CHRM3: variants seen among roughly 807,000 people sequenced by gnomAD.
CHRM3 encodes muscarinic acetylcholine receptor M3.
CHRM3 carries 11 observed loss-of-function variants against 41.8 expected under a neutral mutation model. That is an observed-to-expected ratio of 0.26 (90% CI 0.17 to 0.44). The LOEUF is 0.44. CHRM3 is among the 20% of genes least tolerant of loss of function. The probability of loss-of-function intolerance (pLI) is 1.00; values close to 1 mark genes in which losing one functional copy is unlikely to be tolerated. For missense variants in CHRM3, 571 were observed against 745.4 expected, an observed-to-expected ratio of 0.77 and a Z score of 2.72; for synonymous variants, 297 against 301.4, an observed-to-expected ratio of 0.99 and a Z score of 0.15.
intron 5 of CHRM3, among the ~76,000 whole-genome samples, chr1:239,743,173 T>C (rs1267485595): frequency 6.6e-6 from 1 of 152,216 alleles, no homozygotes; most frequent in African/African-American, 2.4e-5. Context: ...AACCCAAAAT[T>C]GAAATGAGTT....
chr1:239,829,764 C>T (rs1486982147), intron 6 of CHRM3, among the ~76,000 whole-genome samples: 4 of 152,124 alleles, frequency 2.6e-5, no homozygotes, highest in Non-Finnish European at 4.4e-5. Flanking sequence ...ATTACTCACC[C>T]TCTCTGTGCT....
intron 6 of CHRM3, among the ~76,000 whole-genome samples, chr1:239,877,253 AGG>A (rs1677180852): frequency 6.6e-6 from 1 of 152,162 alleles, no homozygotes; most frequent in African/African-American, 2.4e-5. Flanking sequence ...AAAATTCTAT[AGG>A]AAGTTAGGGG....
intron 6 of CHRM3, among the ~76,000 whole-genome samples, chr1:239,844,245 T>C (rs1256017181): frequency 2.0e-5 from 3 of 152,174 alleles, no homozygotes; most frequent in Admixed American, 1.3e-4. Flanking sequence ...CCACCATATA[T>C]GTCTGTTTAG....
At chr1:239,738,461 C>T (rs1040075624) in intron 5 of CHRM3, among the ~76,000 whole-genome samples, 18 of 152,118 alleles carry the variant, frequency 1.2e-4, no homozygotes, top group African/African-American at 3.9e-4. Flanking sequence ...TATCCCAAGG[C>T]CAGGCTCAGG....
intron 1 of CHRM3, among the ~76,000 whole-genome samples, chr1:239,397,030 C>T (rs892089275): frequency 1.3e-5 from 2 of 152,190 alleles, no homozygotes; most frequent in Admixed American, 6.5e-5. Context: ...TCTCTCTCTG[C>T]TCCTCAGATT....
intron 5 of CHRM3, among the ~76,000 whole-genome samples, chr1:239,695,035 G>A (rs998814332): frequency 2.0e-5 from 3 of 152,000 alleles, no homozygotes; most frequent in African/African-American, 4.8e-5. Context: ...TTTTTGAGAC[G>A]GAGTCTCGCT....
rs76258328 is a variant in CHRM3 at position 239,491,817 on chromosome 1, A to G, written c.-520-892A>G. On this transcript the variant is annotated intron_variant, in intron 1 of 6. Transcript: ENST00000676153. ...CATTCCAATCAACAGTGCTGTTTCT[A>G]TTGCTTTTTAAACTCAATCTTACTC... Among the ~76,000 whole-genome samples the G allele has an allele frequency of 5.2e-3, 789 of 152,164 alleles. 11 individuals are homozygous for G. Among genetic ancestry groups the G allele is most frequent in the African/African-American group, 0.018 (754 of 41,510 alleles).
intron 5 of CHRM3, among the ~76,000 whole-genome samples, chr1:239,786,349 G>A (rs548288200): frequency 3.0e-4 from 46 of 152,240 alleles, no homozygotes; most frequent in African/African-American, 1.1e-3. Flanking sequence ...TGTGCTGTGT[G>A]CCAGGCACCA....
chr1:239,874,197 A>G (rs1345021513), intron 6 of CHRM3, among the ~76,000 whole-genome samples: 4 of 148,758 alleles, frequency 2.7e-5, no homozygotes, highest in Non-Finnish European at 4.5e-5. Flanking sequence ...CTTCCTTTGC[A>G]TAACTTCCTT....
chr1:239,630,325 C>A (rs900090608), intron 3 of CHRM3, among the ~76,000 whole-genome samples: 1 of 152,068 alleles, frequency 6.6e-6, no homozygotes, highest in Non-Finnish European at 1.5e-5. Flanking sequence ...TAGGCAAATG[C>A]GTTTGTAATA....
Position 239,908,920 on chromosome 1 carries a change from C to A in CHRM3, c.1469C>A (p.Ala490Asp). 1 of 1,614,092 alleles carries A rather than the reference C, an allele frequency of 6.2e-7. No homozygotes were observed. Among genetic ancestry groups the A allele is most frequent in the Non-Finnish European group, 8.5e-7 (1 of 1,180,020 alleles). Reference sequence around the variant, plus strand: ...TCCCTGGTCAAGGAGAAGAAAGCGGCCCAGACCCTCAGTGCGATCTTGCTT... The same window carrying A: ...TCCCTGGTCAAGGAGAAGAAAGCGGACCAGACCCTCAGTGCGATCTTGCTT... ...RMSLVKEKKAAQTLSAILLAF... is the reference protein window; with the variant it reads ...RMSLVKEKKADQTLSAILLAF... The change falls in exon 7 of 7, where the codon GCC becomes GAC. Residue 490 changes from alanine (A) to aspartate (D), a missense_variant. Ala to Asp is a moderately radical substitution (Grantham distance 126). This residue lies in a region of CHRM3 where 43 missense variants were observed against 93.7 expected (regional missense o/e 0.46). Coordinates refer to ENST00000676153, the MANE Select transcript of CHRM3 (RefSeq NM_001375978.1). The surrounding 1 kb of genome is among the most constrained non-coding windows in gnomAD (Gnocchi z 7.2).
At chr1:239,627,826 T>C (rs1219669743) in intron 3 of CHRM3, among the ~76,000 whole-genome samples, 2 of 150,912 alleles carry the variant, frequency 1.3e-5, no homozygotes, top group African/African-American at 4.9e-5. Context: ...CGTTGAATAT[T>C]GGCCCCCACT....
chr1:239,822,789 G>A (rs536308385), intron 5 of CHRM3, among the ~76,000 whole-genome samples: 1 of 152,232 alleles, frequency 6.6e-6, no homozygotes, highest in East Asian at 1.9e-4. Flanking sequence ...CATGGAAAGG[G>A]GATTTTCATT....
intron 3 of CHRM3, among the ~76,000 whole-genome samples, chr1:239,548,757 C>A (rs1659526915): frequency 6.6e-6 from 1 of 151,510 alleles, no homozygotes; most frequent in Admixed American, 6.6e-5. Flanking sequence ...GTCCTGCCCT[C>A]CCAGGGCCTG....
intron 1 of CHRM3, among the ~76,000 whole-genome samples, chr1:239,453,923 A>G (rs2103340313): frequency 6.6e-6 from 1 of 152,284 alleles, no homozygotes; most frequent in African/African-American, 2.4e-5. Flanking sequence ...AGAGCCTCAG[A>G]CCGCAGCACA....
chr1:239,668,098 T>C (rs1674001903), intron 4 of CHRM3, among the ~76,000 whole-genome samples: 1 of 133,088 alleles, frequency 7.5e-6, no homozygotes, highest in Non-Finnish European at 1.6e-5. Context: ...TCTTTTTTTT[T>C]TTTTTTTTTT....
At chr1:239,862,952 C>T (rs2149278362) in intron 6 of CHRM3, among the ~76,000 whole-genome samples, 1 of 152,294 alleles carries the variant, frequency 6.6e-6, no homozygotes, top group African/African-American at 2.4e-5. Flanking sequence ...AGACAATTTT[C>T]ACTCTAACCT....
At chr1:239,751,054 T>A (rs1443669161) in intron 5 of CHRM3, among the ~76,000 whole-genome samples, 1 of 151,838 alleles carries the variant, frequency 6.6e-6, no homozygotes, top group Non-Finnish European at 1.5e-5. Flanking sequence ...ATGGTGAAAC[T>A]CCGTCTCTAC....
intron 1 of CHRM3, among the ~76,000 whole-genome samples, chr1:239,453,870 G>T (rs1226045584): frequency 1.3e-5 from 2 of 152,120 alleles, no homozygotes; most frequent in African/African-American, 4.8e-5. Context: ...CACAACACAG[G>T]TGGCTCCCCA....
Sources: allele counts gnomAD v4.1 joint callset (sites outside exome capture counted in the v4.1 genomes callset), GRCh38; gene constraint gnomAD v4.1.1; regional missense constraint gnomAD v4.1.1; non-coding constraint Gnocchi (gnomAD v3.1); transcripts MANE v1.5; gene names NCBI Gene and HGNC (gene_info 2026-07-23, HGNC 2026-07-21).